Variants in RPRD2 observed in about 807,000 individuals in gnomAD.
RPRD2 encodes the protein regulation of nuclear pre-mRNA domain-containing protein 2.
RPRD2 carries 12 observed loss-of-function variants against 104.4 expected under a neutral mutation model. The ratio of observed to expected loss-of-function variants is 0.11; its 90% CI spans 0.07 to 0.19. The LOEUF (loss-of-function observed/expected upper bound fraction) is 0.19. RPRD2 is among the 10% of genes least tolerant of loss of function. The probability of loss-of-function intolerance (pLI) is 1.00; values close to 1 mark genes in which losing one functional copy is unlikely to be tolerated. For synonymous variants in RPRD2, 714 were observed against 684.9 expected (o/e 1.04, Z -0.66); for missense variants, 1,543 against 1,790.1 (o/e 0.86, Z 2.49).
intron 1 of RPRD2, among the ~76,000 whole-genome samples, chr1:150,393,376 T>A (rs587720509): frequency 4.1e-5 from 6 of 147,318 alleles, no homozygotes; most frequent in Non-Finnish European, 8.9e-5. Flanking sequence ...ATGGATCGAT[T>A]GAGTCCAGGA....
chr1:150,466,034 A>AAT (rs1211196094), intron 10 of RPRD2, among the ~76,000 whole-genome samples: 20 of 73,420 alleles, frequency 2.7e-4, no homozygotes, highest in Admixed American at 6.4e-4. Context: ...AAAAAAAAAA[A>AAT]TTTTTTTATG....
chr1:150,421,115 G>A (rs1238064314), intron 2 of RPRD2, among the ~76,000 whole-genome samples: 5 of 152,122 alleles, frequency 3.3e-5, no homozygotes, highest in African/African-American at 1.2e-4. Context: ...TAATTTGCCA[G>A]CCCTTAGCCT....
chr1:150,465,135 A>G (rs1005724760), intron 10 of RPRD2, among the ~76,000 whole-genome samples: 2 of 151,012 alleles, frequency 1.3e-5, no homozygotes, highest in African/African-American at 2.4e-5. Flanking sequence ...ATGAGCCACC[A>G]TGCCTGGTGG....
At chr1:150,458,020 G>A (rs946744330) in intron 8 of RPRD2, among the ~76,000 whole-genome samples, 1 of 152,168 alleles carries the variant, frequency 6.6e-6, no homozygotes, top group Non-Finnish European at 1.5e-5. Flanking sequence ...AGTGAGCTGA[G>A]ATTATGCCAC....
At chr1:150,367,873 C>T (rs930311174) in intron 1 of RPRD2, among the ~76,000 whole-genome samples, 1 of 152,010 alleles carries the variant, frequency 6.6e-6, no homozygotes, top group Non-Finnish European at 1.5e-5. Context: ...CAGGCACGCA[C>T]CACCACGTCC....
Position 150,452,661 on chromosome 1 carries a change from C to CCT in RPRD2, c.871-4627_871-4626insCT, listed in dbSNP as rs1553896876. Among the ~76,000 whole-genome samples the CCT allele has an allele frequency of 7.6e-4, 54 of 71,240 alleles. 1 individual carries two copies. The highest frequency in any genetic ancestry group is 1.7e-3 in the African/African-American group (30 of 17,458). The allele number at this position is 71,240 out of a possible 152,430, so 46.7% of individuals were successfully genotyped here. ...TTTCTGTGTTCTTTTGACATATCCC[C>CCT]TTTTTTTTTTTTTTTTTTTTTTTTT... On this transcript the variant is annotated intron_variant, in intron 7 of 10. Coordinates refer to ENST00000369068, the MANE Select transcript of RPRD2 (RefSeq NM_015203.5).
intron 1 of RPRD2, among the ~76,000 whole-genome samples, chr1:150,417,118 A>G (rs1322338255): frequency 1.3e-5 from 2 of 152,098 alleles, no homozygotes; most frequent in African/African-American, 4.8e-5. Context: ...TACAAAGCCC[A>G]TGCTCTTTCT....
At chr1:150,451,647 C>T (rs1553896599) in intron 7 of RPRD2, among the ~76,000 whole-genome samples, 5 of 145,470 alleles carry the variant, frequency 3.4e-5, no homozygotes, top group African/African-American at 1.3e-4. Context: ...TGCACTCCAG[C>T]CTGGGAGACA....
At chr1:150,432,103 T>TTTAAGGAAAATTGTG (rs1553891917) in intron 2 of RPRD2, among the ~76,000 whole-genome samples, 5 of 151,952 alleles carry the variant, frequency 3.3e-5, no homozygotes, top group Non-Finnish European at 7.4e-5. Context: ...TACGTGTATT[T>TTTAAGGAAAATTGTG]TACCACAATT....
At position 150,369,623 on chromosome 1, in the gene RPRD2, A is replaced by ATTTTTTTTTT. The variant is rs61016870; in HGVS notation, c.205+4714_205+4723dup. Among the ~76,000 whole-genome samples, 341 of 68,826 alleles carry ATTTTTTTTTT rather than the reference A, an allele frequency of 5.0e-3. 21 individuals are homozygous for ATTTTTTTTTT. Among genetic ancestry groups the ATTTTTTTTTT allele is most frequent in the African/African-American group, 0.011 (204 of 17,792 alleles). 45.2% of individuals were successfully genotyped at this position (68,826 alleles called of 152,430 possible). Reference sequence around the variant, plus strand: ...AGGCGCCCGTCACCGCGCCCAGCTAATTTTTTTTTTTTTTTTTTTGTATTT... The same window carrying ATTTTTTTTTT: ...AGGCGCCCGTCACCGCGCCCAGCTAATTTTTTTTTTTTTTTTTTTTTTTTTTTTTGTATTT... On this transcript the variant is annotated intron_variant, in intron 1 of 10. Transcript: ENST00000369068.
intron 8 of RPRD2, among the ~76,000 whole-genome samples, chr1:150,458,230 A>G (rs782518908): frequency 2.6e-5 from 4 of 152,118 alleles, no homozygotes; most frequent in Non-Finnish European, 5.9e-5. Context: ...TGAGGCGGGC[A>G]GATTGCTTGA....
chr1:150,404,401 C>T (rs1039984448), intron 1 of RPRD2, among the ~76,000 whole-genome samples: 13 of 152,146 alleles, frequency 8.5e-5, no homozygotes, highest in South Asian at 8.3e-4. Flanking sequence ...TGCTTGCCAC[C>T]GCATCCAGCT....
intron 1 of RPRD2, among the ~76,000 whole-genome samples, chr1:150,408,001 C>T (rs906724800): frequency 4.6e-5 from 7 of 151,900 alleles, no homozygotes; most frequent in South Asian, 2.1e-4. Flanking sequence ...CTTGACCCCC[C>T]GGGCTCAACC....
chr1:150,391,823 A>G (rs1011433518), intron 1 of RPRD2, among the ~76,000 whole-genome samples: 8 of 152,026 alleles, frequency 5.3e-5, no homozygotes, highest in African/African-American at 1.7e-4. Flanking sequence ...CAGGAGAATC[A>G]CTTGAACCTG....
intron 7 of RPRD2, 78 bp from the exon 8 acceptor site, chr1:150,457,210 T>G: frequency 7.1e-7 from 1 of 1,401,318 alleles, no homozygotes; most frequent in Non-Finnish European, 9.7e-7. Context: ...GGTGACAAAG[T>G]GAGACTCTGC....
chr1:150,455,438 G>A (rs1348233470), intron 7 of RPRD2, among the ~76,000 whole-genome samples: 1 of 151,872 alleles, frequency 6.6e-6, no homozygotes, highest in Non-Finnish European at 1.5e-5. Context: ...GGAGGCAGAG[G>A]TTGCAGTGAG....
Position 150,395,365 on chromosome 1 carries a change from TTGTG to T in RPRD2, c.206-22199_206-22196del, listed in dbSNP as rs10524632. On this transcript the variant is annotated intron_variant, in intron 1 of 10. Transcript: ENST00000369068. Reference sequence around the variant, plus strand: ...CTTTTCATGGCTGAGTAGTATTCCATTGTGTGTGTGTGTGTGTGTGTGTGTGTGT... The same window carrying T: ...CTTTTCATGGCTGAGTAGTATTCCATTGTGTGTGTGTGTGTGTGTGTGTGT... Among the ~76,000 whole-genome samples the T allele has an allele frequency of 4.0e-3, 579 of 144,170 alleles. 1 individual carries two copies. Among genetic ancestry groups the T allele is most frequent in the East Asian group, 0.012 (59 of 4,948 alleles). 94.6% of individuals were successfully genotyped at this position (144,170 alleles called of 152,430 possible).
chr1:150,414,998 G>C (rs782441309), intron 1 of RPRD2, among the ~76,000 whole-genome samples: 19 of 152,106 alleles, frequency 1.2e-4, no homozygotes, highest in Admixed American at 1.1e-3. Context: ...TATGTTGAGA[G>C]ACAGCCTGAA....
At position 150,443,996 on chromosome 1, in the gene RPRD2, C is replaced by T. The variant is rs144352853; in HGVS notation, c.568-255C>T. Among the ~76,000 whole-genome samples, 1,511 of 152,208 alleles carry T rather than the reference C, an allele frequency of 9.9e-3. 58 individuals carry two copies. Among genetic ancestry groups the T allele is most frequent in the Admixed American group, 0.067 (1,026 of 15,274 alleles). On this transcript the variant is annotated intron_variant, in intron 5 of 10. Transcript: ENST00000369068. The stretch of plus-strand genomic sequence containing the variant: ...TCGTGCCACTGCACTCCAACCTGGG[C>T]GACAGAGCGAGACTCCATTTCAAAA...
Sources: allele counts gnomAD v4.1 joint callset (sites outside exome capture counted in the v4.1 genomes callset), GRCh38; gene constraint gnomAD v4.1.1; transcripts MANE v1.5; gene names NCBI Gene and HGNC (gene_info 2026-07-23, HGNC 2026-07-21).